KICS2: variants seen among roughly 807,000 people sequenced by gnomAD.
The protein encoded by KICS2 is KICSTOR complex protein C12orf66.
Under a neutral mutation model 31.4 loss-of-function variants are expected in KICS2, and 13 were observed. The observed-to-expected ratio is 0.41, with a 90% CI of 0.27 to 0.66. The LOEUF is 0.66. Ranked by LOEUF, KICS2 falls within the 30% of genes least tolerant of loss-of-function variation. The pLI is 0.28. For synonymous variants in KICS2, 209 were observed against 214.8 expected, an observed-to-expected ratio of 0.97 and a Z score of 0.24; for missense variants, 455 against 545.4, an observed-to-expected ratio of 0.83 and a Z score of 1.65.
In KICS2 at chr12:64,220,562, T is replaced by TG. The variant is rs2037671393; in HGVS notation, c.235+1440dup. The stretch of plus-strand genomic sequence containing the variant: ...AATAAAAAAAAAAAGCAAAGAATCA[T>TG]GGCACTTGAATCAGTCACCATTCTT... On this transcript the variant is annotated intron_variant, in intron 1 of 2. Coordinates refer to ENST00000398055, the MANE Select transcript of KICS2 (RefSeq NM_152440.5). Among the ~76,000 whole-genome samples the TG allele has an allele frequency of 4.0e-5, 6 of 151,630 alleles. No homozygotes were observed. The South Asian group carries it at 1.2e-3, about 31-fold the overall frequency.
chr12:64,194,313 C>T lies in KICS2; in HGVS notation c.867G>A (p.Leu289=). ...RQTTASEMKT[L]TAKANPDFFG... is the part of the protein sequence containing the mutation. ...AAAAGTCTGGGTTAGCTTTTGCTGT[C>T]AACGTTTTCATTTCTGAAGCAGTCG... Residue 289 remains leucine (L), a synonymous_variant, in exon 3 of 3, where the codon TTG becomes TTA. Transcript: ENST00000398055. 1 of 1,614,084 alleles carries T rather than the reference C, an allele frequency of 6.2e-7. No individual in the cohort carries two copies. Among genetic ancestry groups the T allele is most frequent in the African/African-American group, 1.3e-5 (1 of 75,014 alleles).
intron 2 of KICS2, among the ~76,000 whole-genome samples, chr12:64,206,122 G>A (rs1232144202): frequency 6.6e-6 from 1 of 152,110 alleles, no homozygotes; most frequent in African/African-American, 2.4e-5. Flanking sequence ...GTCTTGCTAT[G>A]TTTCCCAGGG....
intron 2 of KICS2, among the ~76,000 whole-genome samples, chr12:64,214,975 G>C (rs1376382551): frequency 6.6e-6 from 1 of 151,784 alleles, no homozygotes; most frequent in South Asian, 2.1e-4. Flanking sequence ...ACTTTAAAAG[G>C]GACAATATTT....
intron 2 of KICS2, among the ~76,000 whole-genome samples, chr12:64,197,789 G>A (rs1298796906): frequency 3.3e-5 from 5 of 149,466 alleles, no homozygotes; most frequent in Non-Finnish European, 5.9e-5. Flanking sequence ...AAAAAAGGCA[G>A]AGGTTGCAAT....
At chr12:64,211,914 A>G (rs1298239295) in intron 2 of KICS2, among the ~76,000 whole-genome samples, 2 of 152,236 alleles carry the variant, frequency 1.3e-5, no homozygotes, top group African/African-American at 2.4e-5. Flanking sequence ...GATTTCCTGA[A>G]TGTAAAAACT....
rs58248580 is a variant in KICS2 at position 64,210,862 on chromosome 12, C to CAT, written c.521+4815_521+4816insAT. The stretch of plus-strand genomic sequence containing the variant: ...GTCCCAGGAGACACACACACACACA[C>CAT]GTGTATGCACACACACATCAGTAAG... On this transcript the variant is annotated intron_variant, in intron 2 of 2. Coordinates refer to ENST00000398055, the MANE Select transcript of KICS2 (RefSeq NM_152440.5). Among the ~76,000 whole-genome samples the CAT allele has an allele frequency of 1.7e-3, 257 of 152,226 alleles. 2 individuals carry two copies. Among genetic ancestry groups the CAT allele is most frequent in the Middle Eastern group, 6.8e-3 (2 of 294 alleles).
At position 64,215,983 on chromosome 12, in the gene KICS2, A is replaced by G. The variant is rs2037625146; in HGVS notation, c.236-20T>C. On this transcript the variant is annotated intron_variant, in intron 1 of 2. Coordinates refer to ENST00000398055, the MANE Select transcript of KICS2 (RefSeq NM_152440.5). ...GGCCCCCTGGTAGGCAAACAACATA[A>G]GCACATGACAAGTAAGAAGGAGAAA... is the stretch of plus-strand genomic sequence containing the variant. The G allele has an allele frequency of 6.3e-7, 1 of 1,592,144 alleles. No individual in the cohort carries two copies. The highest frequency in any genetic ancestry group is 1.1e-5 in the South Asian group (1 of 88,812).
chr12:64,199,580 A>G (rs1452523230), intron 2 of KICS2, among the ~76,000 whole-genome samples: 2 of 148,358 alleles, frequency 1.3e-5, no homozygotes, highest in East Asian at 4.0e-4. Context: ...CCTATTCAAC[A>G]TAGTGTTGGA....
intron 1 of KICS2, among the ~76,000 whole-genome samples, chr12:64,218,697 C>T (rs2037652490): frequency 6.7e-6 from 1 of 149,764 alleles, no homozygotes; most frequent in Non-Finnish European, 1.5e-5. Flanking sequence ...GTCTCTAGGA[C>T]TTATGGGAGA....
chr12:64,215,601 G>C (rs1216994238), intron 2 of KICS2, 77 bp downstream of exon 2: 3 of 1,224,686 alleles, frequency 2.4e-6, no homozygotes, highest in East Asian at 2.4e-5. Flanking sequence ...TTTCATAAGA[G>C]TGTGGAGAAA....
At position 64,194,481 on chromosome 12, in the gene KICS2, C is replaced by T; in HGVS notation, c.699G>A (p.Gln233=). 1 of 1,614,176 alleles carries T rather than the reference C, an allele frequency of 6.2e-7. No individual in the cohort carries two copies. The highest frequency in any genetic ancestry group is 8.5e-7 in the Non-Finnish European group (1 of 1,180,038). The part of the protein sequence containing the change: ...LQTWGQIFEK[Q]RETKKHLFGG... The stretch of plus-strand genomic sequence containing the variant: ...CAAACAGATGTTTCTTGGTCTCCCG[C>T]TGTTTCTCAAAGATCTGGCCCCACG... Residue 233 remains glutamine (Q), a synonymous_variant, in exon 3 of 3, where the codon CAG becomes CAA. Transcript: ENST00000398055.
rs1268093167 is a variant in KICS2 at position 64,192,146 on chromosome 12, G to C, written c.*1696C>G. The C allele has an allele frequency of 6.9e-6, 1 of 144,146 alleles. No individual in the cohort carries two copies. The highest frequency in any genetic ancestry group is 1.5e-5 in the Non-Finnish European group (1 of 66,682). The allele number at this position is 144,146 out of a possible 1,614,324, so 8.9% of individuals were successfully genotyped here. On this transcript the variant is annotated 3_prime_UTR_variant, in exon 3 of 3. Coordinates refer to ENST00000398055, the MANE Select transcript of KICS2 (RefSeq NM_152440.5). ...CTTCTTCTTCTTTTTTTTTTTTTGA[G>C]ACAGGTCTCGCTCTTTCACCCAGGC... is the stretch of plus-strand genomic sequence containing the variant.
rs371208109 is a variant in KICS2 at position 64,193,304 on chromosome 12, T to C, written c.*538A>G. On this transcript the variant is annotated 3_prime_UTR_variant, in exon 3 of 3. Coordinates refer to ENST00000398055, the MANE Select transcript of KICS2 (RefSeq NM_152440.5). ...AGTTTCAATAACTGATAGAAATTTC[T>C]TACCAAGACCCTAATTTTGGCATCA... The C allele has an allele frequency of 2.0e-6, 2 of 985,916 alleles. No individual in the cohort carries two copies. Among genetic ancestry groups the C allele is most frequent in the Non-Finnish European group, 2.4e-6 (2 of 830,340 alleles). 61.1% of individuals were successfully genotyped at this position (985,916 alleles called of 1,614,324 possible).
intron 2 of KICS2, among the ~76,000 whole-genome samples, chr12:64,195,607 C>T (rs1382936860): frequency 6.6e-6 from 1 of 152,134 alleles, no homozygotes; most frequent in Non-Finnish European, 1.5e-5. Context: ...GCCAAGATGG[C>T]CGAATAGGAA....
At chr12:64,204,067 G>A (rs1213791841) in intron 2 of KICS2, among the ~76,000 whole-genome samples, 3 of 152,202 alleles carry the variant, frequency 2.0e-5, no homozygotes, top group Admixed American at 6.5e-5. Flanking sequence ...GGACATGGAC[G>A]AAGCTGTAAG....
In KICS2 at chr12:64,193,200, C is replaced by T; in HGVS notation, c.*642G>A. On this transcript the variant is annotated 3_prime_UTR_variant, in exon 3 of 3. Transcript: ENST00000398055. ...AGGTGTGTACATTACCCCAAAAGAA[C>T]CCATGGCTATTAAAGCTGCCATGAG... 1 of 985,462 alleles carries T rather than the reference C, an allele frequency of 1.0e-6. No individual in the cohort carries two copies. Among genetic ancestry groups the T allele is most frequent in the Non-Finnish European group, 1.2e-6 (1 of 830,008 alleles). The allele number at this position is 985,462 out of a possible 1,614,324, so 61.0% of individuals were successfully genotyped here. A position where few individuals can be genotyped will look rare whatever the true frequency, so the allele number is the denominator to read the frequency against.
intron 2 of KICS2, among the ~76,000 whole-genome samples, chr12:64,195,753 G>A (rs1485645694): frequency 3.3e-5 from 5 of 152,256 alleles, no homozygotes; most frequent in Non-Finnish European, 4.4e-5. Context: ...CGCACCGTGC[G>A]CGAGCCGAAG....
At chr12:64,216,366 C>T (rs1042605424) in intron 1 of KICS2, among the ~76,000 whole-genome samples, 3 of 152,138 alleles carry the variant, frequency 2.0e-5, no homozygotes, top group Admixed American at 6.5e-5. Context: ...ACTAAAAAGC[C>T]TACCTTTCAC....
At chr12:64,195,438 G>T (rs934237241) in intron 2 of KICS2, among the ~76,000 whole-genome samples, 17 of 152,132 alleles carry the variant, frequency 1.1e-4, no homozygotes, top group African/African-American at 4.1e-4. Context: ...TCTTGCAGAT[G>T]ACAGTACCTA....
Sources: gnomAD v4.1 joint callset for allele counts (sites outside exome capture counted in the v4.1 genomes callset) on GRCh38, gnomAD v4.1.1 for gene constraint, MANE v1.5 for transcripts, NCBI Gene and HGNC (gene_info 2026-07-23, HGNC 2026-07-21) for gene names.